MGAT4C: variants seen among roughly 807,000 people sequenced by gnomAD.
MGAT4C encodes the protein alpha-1,3-mannosyl-glycoprotein 4-beta-N-acetylglucosaminyltransferase C.
A neutral mutation model predicts 40.1 loss-of-function variants in MGAT4C; 19 were observed. The ratio of observed to expected loss-of-function variants is 0.47; its 90% CI spans 0.33 to 0.70. The LOEUF (loss-of-function observed/expected upper bound fraction) is 0.70, where lower values mean the gene tolerates loss of function less well. Ranked by LOEUF, MGAT4C falls within the 30% of genes least tolerant of loss-of-function variation. MGAT4C has a pLI of 0.02. For missense variants in MGAT4C, 491 were observed against 563.2 expected (o/e 0.87, Z 1.30); for synonymous variants, 181 against 187.1 (o/e 0.97, Z 0.27).
chr12:86,650,071 C>T (rs1002325740), intron 2 of MGAT4C, among the ~76,000 whole-genome samples: 6 of 151,824 alleles, frequency 4.0e-5, no homozygotes, highest in East Asian at 1.9e-4. Flanking sequence ...GAGTTATAAA[C>T]TTTAATATAC....
rs1883468575 is a variant in MGAT4C at position 85,968,552 on chromosome 12, G to A, written c.*10737C>T. ...TAATAGTATTGAAATACCTAAAAAG[G>A]GCAGGAAACAACACAGAATAATCTA... On this transcript the variant is annotated 3_prime_UTR_variant, in exon 5 of 5. Transcript: ENST00000611864. The A allele has an allele frequency of 6.6e-6, 1 of 151,772 alleles. No homozygotes were observed. The highest frequency in any genetic ancestry group is 2.4e-5 in the African/African-American group (1 of 41,360). 9.4% of individuals were successfully genotyped at this position (151,772 alleles called of 1,614,324 possible). A position where few individuals can be genotyped will look rare whatever the true frequency, so the allele number is the denominator to read the frequency against.
At chr12:86,460,095 C>T (rs570506864) in intron 2 of MGAT4C, among the ~76,000 whole-genome samples, 6 of 152,206 alleles carry the variant, frequency 3.9e-5, no homozygotes, top group African/African-American at 7.2e-5. Flanking sequence ...TGCCCACCCA[C>T]GCAGACACTT....
intron 2 of MGAT4C, among the ~76,000 whole-genome samples, chr12:86,464,337 T>A (rs1221171497): frequency 6.6e-6 from 1 of 152,178 alleles, no homozygotes; most frequent in Non-Finnish European, 1.5e-5. Context: ...TTGCAGTATT[T>A]AAGTAAAAAG....
intron 2 of MGAT4C, among the ~76,000 whole-genome samples, chr12:86,618,259 T>C (rs911383316): frequency 6.6e-6 from 1 of 152,104 alleles, no homozygotes; most frequent in Non-Finnish European, 1.5e-5. Context: ...TTCTGGAAAA[T>C]AGTATGGCGA....
chr12:86,020,886 C>T lies in MGAT4C; in HGVS notation c.-7+28788G>A, dbSNP rs530470199. Among the ~76,000 whole-genome samples, 348 of 151,890 alleles carry T rather than the reference C, an allele frequency of 2.3e-3. 3 individuals carry two copies. Among genetic ancestry groups the T allele is most frequent in the Non-Finnish European group, 3.9e-3 (262 of 67,852 alleles). On this transcript the variant is annotated intron_variant, in intron 2 of 4. Coordinates refer to ENST00000611864, the MANE Select transcript of MGAT4C (RefSeq NM_001351288.2). Reference sequence around the variant, plus strand: ...AATCTACAATGAACTCAAACAAATTCACAAGAAAAAAACAAACAACCCCAT... The same window carrying T: ...AATCTACAATGAACTCAAACAAATTTACAAGAAAAAAACAAACAACCCCAT...
At chr12:86,525,423 A>G (rs990903289) in intron 2 of MGAT4C, among the ~76,000 whole-genome samples, 1 of 152,146 alleles carries the variant, frequency 6.6e-6, no homozygotes, top group African/African-American at 2.4e-5. Context: ...TCTTTATAGC[A>G]TTGTAAAAAT....
intron 2 of MGAT4C, among the ~76,000 whole-genome samples, chr12:86,603,395 T>C (rs1384780191): frequency 7.9e-6 from 1 of 127,332 alleles, no homozygotes; most frequent in Non-Finnish European, 1.6e-5. Context: ...TACTATATAA[T>C]ATATATTATA....
intron 2 of MGAT4C, among the ~76,000 whole-genome samples, chr12:86,448,937 G>T (rs1363152846): frequency 6.6e-6 from 1 of 152,114 alleles, no homozygotes; most frequent in Non-Finnish European, 1.5e-5. Flanking sequence ...AAATAGCTAG[G>T]CTTCAGATCT....
intron 2 of MGAT4C, among the ~76,000 whole-genome samples, chr12:86,482,891 A>C (rs1029546671): frequency 6.6e-6 from 1 of 152,320 alleles, no homozygotes; most frequent in East Asian, 1.9e-4. Context: ...ACTTGTTTAT[A>C]AATTTCAAAG....
intron 4 of MGAT4C, among the ~76,000 whole-genome samples, chr12:86,293,678 C>A (rs1190670236): frequency 6.6e-6 from 1 of 152,104 alleles, no homozygotes; most frequent in Non-Finnish European, 1.5e-5. Flanking sequence ...GTGTACCTAT[C>A]CAAATCTTAT....
At chr12:86,550,138 G>A (rs184868450) in intron 2 of MGAT4C, among the ~76,000 whole-genome samples, 2 of 152,062 alleles carry the variant, frequency 1.3e-5, no homozygotes, top group East Asian at 1.9e-4. Flanking sequence ...CTGCTGCCTC[G>A]TGAAGAAATA....
chr12:86,629,403 C>T (rs1962946152), intron 2 of MGAT4C, among the ~76,000 whole-genome samples: 1 of 152,100 alleles, frequency 6.6e-6, no homozygotes, highest in African/African-American at 2.4e-5. Context: ...ACAAGCAGAC[C>T]TAATAGACAT....
chr12:86,068,410 G>A (rs1467814395), intron 1 of MGAT4C: 1 of 151,824 alleles, frequency 6.6e-6, no homozygotes, highest in Admixed American at 6.6e-5. Flanking sequence ...TGTTACTAAT[G>A]AAGCTCTTGT....
chr12:86,669,438 G>T (rs989083811), intron 2 of MGAT4C, among the ~76,000 whole-genome samples: 2 of 152,180 alleles, frequency 1.3e-5, no homozygotes, highest in African/African-American at 4.8e-5. Flanking sequence ...GGTGCAGAGG[G>T]TCCCTCCCTG....
chr12:86,441,704 C>T (rs556357301), intron 2 of MGAT4C, among the ~76,000 whole-genome samples: 10 of 152,084 alleles, frequency 6.6e-5, no homozygotes, highest in South Asian at 6.2e-4. Context: ...GCATAGTATT[C>T]CATGGTGTAT....
At chr12:86,161,906 A>G (rs1053842452) in intron 1 of MGAT4C, among the ~76,000 whole-genome samples, 1 of 152,184 alleles carries the variant, frequency 6.6e-6, no homozygotes, top group Admixed American at 6.6e-5. Flanking sequence ...AATGCTCAGC[A>G]TCACTATCAT....
intron 1 of MGAT4C, among the ~76,000 whole-genome samples, chr12:86,248,702 T>C (rs1348155596): frequency 6.6e-6 from 1 of 152,168 alleles, no homozygotes; most frequent in Non-Finnish European, 1.5e-5. Context: ...ACCATCCTTA[T>C]GTAACTTCGC....
intron 1 of MGAT4C, among the ~76,000 whole-genome samples, chr12:86,797,773 C>G (rs994131503): frequency 6.6e-6 from 1 of 151,882 alleles, no homozygotes; most frequent in Admixed American, 6.6e-5. Flanking sequence ...ATAATATGTT[C>G]AAGTCTGAAA....
chr12:86,035,521 T>C (rs1891145583), intron 2 of MGAT4C, among the ~76,000 whole-genome samples: 1 of 150,168 alleles, frequency 6.7e-6, no homozygotes, highest in Non-Finnish European at 1.5e-5. Context: ...TCCCATTCTT[T>C]AGGTTGCTTG....
Sources: allele counts gnomAD v4.1 joint callset (sites outside exome capture counted in the v4.1 genomes callset), GRCh38; gene constraint gnomAD v4.1.1; transcripts MANE v1.5; gene names NCBI Gene and HGNC (gene_info 2026-07-23, HGNC 2026-07-21).